Variants in QSOX1 observed in about 807,000 individuals in gnomAD.
The protein encoded by QSOX1 is quiescin sulfhydryl oxidase 1.
Under a neutral mutation model 76.1 loss-of-function variants are expected in QSOX1, and 40 were observed. That is an observed-to-expected ratio of 0.53 (90% CI 0.41 to 0.68). The LOEUF (loss-of-function observed/expected upper bound fraction) is 0.68, where lower values mean the gene tolerates loss of function less well. QSOX1 is among the 30% of genes least tolerant of loss of function. The pLI is 0.00. For missense variants in QSOX1, 931 were observed against 974.3 expected (o/e 0.96, Z 0.59); for synonymous variants, 392 against 413.1 (o/e 0.95, Z 0.62).
intron 1 of QSOX1, among the ~76,000 whole-genome samples, chr1:180,159,650 C>G (rs1031806103): frequency 2.0e-5 from 3 of 152,216 alleles, no homozygotes; most frequent in African/African-American, 7.2e-5. Flanking sequence ...AAGGTTAAAG[C>G]AGAGGAGACT....
intron 8 of QSOX1, among the ~76,000 whole-genome samples, chr1:180,187,793 A>G (rs1249763692): frequency 3.3e-5 from 5 of 152,274 alleles, no homozygotes; most frequent in African/African-American, 1.2e-4. Context: ...GGACAGAGGG[A>G]AGCCAGGTAT....
Position 180,175,337 on chromosome 1 carries a change from C to G in QSOX1, c.383C>G (p.Thr128Ser). 1 of 1,614,070 alleles carries G rather than the reference C, an allele frequency of 6.2e-7. No homozygotes were observed. The highest frequency in any genetic ancestry group is 1.7e-5 in the Admixed American group (1 of 60,018). Residue 128 changes from threonine to serine, a missense_variant, in exon 3 of 12, where the codon ACC becomes AGC. By Grantham distance (58) the Thr-to-Ser change is moderately conservative. Coordinates refer to ENST00000367602, the MANE Select transcript of QSOX1 (RefSeq NM_002826.5). Reference sequence around the variant, plus strand: ...TGCTTCCAGTTCTTCAAGGCCTTTACCAAGAACGGCTCGGGAGCAGTATTT... The same window carrying G: ...TGCTTCCAGTTCTTCAAGGCCTTTAGCAAGAACGGCTCGGGAGCAGTATTT... ...FPTVRFFKAF[T>S]KNGSGAVFPV...
Position 180,194,996 on chromosome 1 carries a change from C to CGGCG in QSOX1, c.1468+606_1468+607insCGGG, listed in dbSNP as rs796069361. On this transcript the variant is annotated intron_variant, in intron 11 of 11. Transcript: ENST00000367602. ...GGTGCACGTGGCTGTGACAGCCTCC[C>CGGCG]GGGGGGGGGAGACCAGGGCGGAGCC... 4.6e-4 allele frequency among the ~76,000 whole-genome samples: 63 copies of CGGCG among 136,064 alleles called. 3 individuals carry two copies. The highest frequency in any genetic ancestry group is 1.9e-3 in the African/African-American group (61 of 32,830). The allele number at this position is 136,064 out of a possible 152,430, so 89.3% of individuals were successfully genotyped here. A position where few individuals can be genotyped will look rare whatever the true frequency, so the allele number is the denominator to read the frequency against.
At position 180,196,901 on chromosome 1, in the gene QSOX1, G is replaced by A. The variant is rs1558195155; in HGVS notation, c.2108G>A (p.Gly703Glu). 6.3e-7 allele frequency: 1 copy of A among 1,592,880 alleles called. No homozygotes were observed. Among genetic ancestry groups the A allele is most frequent in the East Asian group, 2.2e-5 (1 of 44,550 alleles). The change falls in exon 12 of 12, where the codon GGG (glycine) becomes GAG (glutamate). Residue 703 changes from glycine to glutamate, a missense_variant. By Grantham distance (98) the Gly-to-Glu change is moderately conservative. Transcript: ENST00000367602. This position sits in a 1 kb window ranked among gnomAD's most constrained non-coding sequence, Gnocchi z 4.1. ...GGCCAGTGGCTGCAGGTGCTGGGAG[G>A]GGGCTTCTCTTACCTGGACATCAGC... Reference protein sequence around the residue: ...GRGQWLQVLGGGFSYLDISLC... With the variant: ...GRGQWLQVLGEGFSYLDISLC...
chr1:180,186,870 C>T (rs1037579493), intron 8 of QSOX1, among the ~76,000 whole-genome samples: 2 of 152,248 alleles, frequency 1.3e-5, no homozygotes, highest in African/African-American at 2.4e-5. Flanking sequence ...GCTCCTTCCT[C>T]TCTGAAGGTG....
At chr1:180,185,815 T>TA (rs1553274866) in intron 7 of QSOX1, among the ~76,000 whole-genome samples, 2 of 152,220 alleles carry the variant, frequency 1.3e-5, no homozygotes, top group Non-Finnish European at 2.9e-5. Context: ...CTCAGCAACT[T>TA]ACCTGTGAGC....
rs777930695 is a variant in QSOX1 at position 180,196,140 on chromosome 1, G to A, written c.1469-122G>A. On this transcript the variant is annotated intron_variant, in intron 11 of 11. Transcript: ENST00000367602. The surrounding 1 kb of genome is among the most constrained non-coding windows in gnomAD (Gnocchi z 4.1). ...TGTATTTTCTAATTACCCATCCTCT[G>A]GAAGGGCAGTGGCGAGCCCTTTCTG... 2 of 1,249,488 alleles carry A rather than the reference G, an allele frequency of 1.6e-6. No individual in the cohort carries two copies. The highest frequency in any genetic ancestry group is 2.2e-6 in the Non-Finnish European group (2 of 903,704). 77.4% of individuals were successfully genotyped at this position (1,249,488 alleles called of 1,614,324 possible).
chr1:180,175,488 C>T, intron 3 of QSOX1, 122 bp downstream of exon 3: 1 of 1,017,678 alleles, frequency 9.8e-7, no homozygotes, highest in Non-Finnish European at 1.6e-6. Flanking sequence ...GAGGCGGTCC[C>T]CACGGGAAGC....
At chr1:180,169,399 GCT>G (rs1268665485) in intron 2 of QSOX1, among the ~76,000 whole-genome samples, 22 of 152,348 alleles carry the variant, frequency 1.4e-4, no homozygotes, top group Non-Finnish European at 2.4e-4. Context: ...TCTCTTCGAG[GCT>G]CTGAGGAGAT....
At position 180,163,247 on chromosome 1, in the gene QSOX1, CATT is replaced by C. The variant is rs1662535587; in HGVS notation, c.266-3243_266-3241del. On this transcript the variant is annotated intron_variant, in intron 1 of 11. Transcript: ENST00000367602. ...TTTGTCCTGTACTGTTCCTCTTTCT[CATT>C]GTGAAATAACCAGTCACTCTACTTT... Among the ~76,000 whole-genome samples the C allele has an allele frequency of 5.3e-5, 8 of 152,240 alleles. No individual in the cohort carries two copies. In the South Asian group the frequency reaches 1.4e-3, roughly 28 times the overall value.
In QSOX1 at chr1:180,178,816, T is replaced by C. The variant is rs755651687; in HGVS notation, c.538T>C (p.Phe180Leu). 3 of 1,613,950 alleles carry C rather than the reference T, an allele frequency of 1.9e-6. No individual in the cohort carries two copies. Among genetic ancestry groups the C allele is most frequent in the Admixed American group, 1.7e-5 (1 of 60,018 alleles). The change falls in exon 5 of 12, where the codon TTT becomes CTT. Residue 180 changes from phenylalanine (F) to leucine (L), a missense_variant. Coordinates refer to ENST00000367602, the MANE Select transcript of QSOX1 (RefSeq NM_002826.5). ...CAGGCTGGAGGAGATTGATGGATTCTTTGCGAGAAATAACGAAGAGTACCT... is the reference window on the plus strand; with the variant it reads ...CAGGCTGGAGGAGATTGATGGATTCCTTGCGAGAAATAACGAAGAGTACCT... The part of the protein sequence containing the change: ...PAKLEEIDGF[F>L]ARNNEEYLAL...
rs1461579660 is a variant in QSOX1, at chr1:180,196,552, A to G, written c.1759A>G (p.Lys587Glu). 6.2e-7 allele frequency: 1 copy of G among 1,614,144 alleles called. No homozygotes were observed. Among genetic ancestry groups the G allele is most frequent in the Non-Finnish European group, 8.5e-7 (1 of 1,180,028 alleles). The stretch of plus-strand genomic sequence containing the variant: ...GGACCCTGGGAAGCCTGAGATGATG[A>G]AGTCCCCCACAAACACCACCCCACA... ...TLDPGKPEMM[K>E]SPTNTTPHVP... The change falls in exon 12 of 12, where the codon AAG becomes GAG. Residue 587 changes from lysine to glutamate, a missense_variant. By Grantham distance (56) the Lys-to-Glu change is moderately conservative (BLOSUM62 1). Coordinates refer to ENST00000367602, the MANE Select transcript of QSOX1 (RefSeq NM_002826.5). The surrounding 1 kb of genome is among the most constrained non-coding windows in gnomAD (Gnocchi z 4.1).
chr1:180,180,399 G>A (rs538950535), intron 5 of QSOX1, among the ~76,000 whole-genome samples: 124 of 152,234 alleles, frequency 8.1e-4, no homozygotes, highest in Middle Eastern at 3.4e-3. Context: ...CAGTAGAGAC[G>A]TGGTTTCACC....
rs1185599584 is a variant in QSOX1, at chr1:180,200,006, G to A, written c.*2969G>A. ...GTGGGGGTGGAGGAGAGGGCTCCAG[G>A]GGACCCAGCCAGCCTTGACCCTGGA... On this transcript the variant is annotated 3_prime_UTR_variant, in exon 12 of 12. Coordinates refer to ENST00000367602, the MANE Select transcript of QSOX1 (RefSeq NM_002826.5). 6.6e-6 allele frequency: 1 copy of A among 152,326 alleles called. No individual in the cohort carries two copies. Among genetic ancestry groups the A allele is most frequent in the East Asian group, 1.9e-4 (1 of 5,162 alleles). The allele number at this position is 152,326 out of a possible 1,614,324, so 9.4% of individuals were successfully genotyped here.
chr1:180,189,485 A>G, intron 8 of QSOX1, 67 bp from the exon 9 acceptor site: 3 of 1,030,008 alleles, frequency 2.9e-6, no homozygotes, highest in Non-Finnish European at 3.7e-6. Context: ...GCTTCCTACC[A>G]TCTGCAGGAC....
chr1:180,186,775 C>G (rs1663185065), intron 8 of QSOX1, among the ~76,000 whole-genome samples: 3 of 152,236 alleles, frequency 2.0e-5, no homozygotes, highest in Admixed American at 2.0e-4. Flanking sequence ...ATTTTGTCCT[C>G]CCCGATTTAA....
chr1:180,192,852 A>T (rs1168138183), intron 10 of QSOX1, among the ~76,000 whole-genome samples: 1 of 152,016 alleles, frequency 6.6e-6, no homozygotes, highest in East Asian at 1.9e-4. Context: ...CCTGGCAGGG[A>T]GGTAGAGAAG....
chr1:180,182,358 C>T (rs530732863), intron 6 of QSOX1, 39 bp downstream of exon 6: 165 of 1,610,798 alleles, frequency 1.0e-4, no homozygotes, highest in Admixed American at 4.7e-4. Flanking sequence ...CTCGTCCCTC[C>T]CTGTGCTCAT....
chr1:180,194,260 T>A lies in QSOX1; in HGVS notation c.1336T>A (p.Phe446Ile), dbSNP rs761348578. The change falls in exon 11 of 12, where the codon TTC becomes ATC. Residue 446 changes from phenylalanine to isoleucine, a missense_variant. Coordinates refer to ENST00000367602, the MANE Select transcript of QSOX1 (RefSeq NM_002826.5). ...AGCCATCCGAGGCTACGTGCACTAC[T>A]TCTTCGGCTGCCGAGACTGCGCTAG... ...LPAIRGYVHYFFGCRDCASHF... is the reference protein window; with the variant it reads ...LPAIRGYVHYIFGCRDCASHF... 6.2e-7 allele frequency: 1 copy of A among 1,613,336 alleles called. No individual in the cohort carries two copies. The highest frequency in any genetic ancestry group is 8.5e-7 in the Non-Finnish European group (1 of 1,179,532).
Sources: gnomAD v4.1 joint callset for allele counts (sites outside exome capture counted in the v4.1 genomes callset) on GRCh38, gnomAD v4.1.1 for gene constraint, Gnocchi (gnomAD v3.1) non-coding constraint, MANE v1.5 for transcripts, NCBI Gene and HGNC (gene_info 2026-07-23, HGNC 2026-07-21) for gene names.